DIAPH2: variants seen among roughly 807,000 people sequenced by gnomAD.
DIAPH2 encodes the protein diaphanous related formin 2, also known as protein diaphanous homolog 2.
Under a neutral mutation model 92.7 loss-of-function variants are expected in DIAPH2, and 35 were observed. The ratio of observed to expected loss-of-function variants is 0.38; its 90% CI spans 0.29 to 0.50. DIAPH2 has a LOEUF of 0.50. Ranked by LOEUF, DIAPH2 falls within the 20% of genes least tolerant of loss-of-function variation. The pLI is 0.94. For synonymous variants in DIAPH2, 301 were observed against 280.4 expected, an observed-to-expected ratio of 1.07 and a Z score of -0.73; for missense variants, 701 against 819.5, an observed-to-expected ratio of 0.86 and a Z score of 1.77.
chrX:96,931,681 C>T (rs915531389), intron 10 of DIAPH2, among the ~76,000 whole-genome samples: 8 of 110,544 alleles, frequency 7.2e-5, no homozygotes, highest in Non-Finnish European at 1.3e-4. Flanking sequence ...TGTGTATGAC[C>T]TAGTCTACCA....
chrX:96,892,396 G>C, intron 5 of DIAPH2, among the ~76,000 whole-genome samples: 1 of 111,714 alleles, frequency 9.0e-6, no homozygotes, highest in Non-Finnish European at 1.9e-5. Flanking sequence ...AATCATTTTA[G>C]AATAGCACTA....
In DIAPH2 at chrX:97,435,105, G is replaced by A. The variant is rs778305954; in HGVS notation, c.3241+5360G>A. 8.1e-5 allele frequency among the ~76,000 whole-genome samples: 9 copies of A among 111,326 alleles called. No homozygotes were observed. The South Asian group carries it at 3.5e-3, about 43-fold the overall frequency. Reference sequence around the variant, plus strand: ...GTGAACATTTTTGACAATGACATACGCTCTGGTGGAATAAAAAAGGGTAAA... The same window carrying A: ...GTGAACATTTTTGACAATGACATACACTCTGGTGGAATAAAAAAGGGTAAA... On this transcript the variant is annotated intron_variant, in intron 26 of 26. Coordinates refer to ENST00000324765, the MANE Select transcript of DIAPH2 (RefSeq NM_006729.5).
In DIAPH2 at chrX:97,319,393, T is replaced by C. The variant is rs1030286559; in HGVS notation, c.2845-28723T>C. ...AGTACTTCTCATATAAAATTCCCCT[T>C]TTTTTTTTTTTTTGAGACGGAGTCT... On this transcript the variant is annotated intron_variant, in intron 23 of 26. Coordinates refer to ENST00000324765, the MANE Select transcript of DIAPH2 (RefSeq NM_006729.5). Among the ~76,000 whole-genome samples the C allele has an allele frequency of 9.8e-4, 95 of 97,413 alleles. 1 individual carries two copies. Among genetic ancestry groups the C allele is most frequent in the African/African-American group, 3.6e-3 (89 of 24,802 alleles). 84.6% of individuals were successfully genotyped at this position (97,413 alleles called of 115,157 possible). A position where few individuals can be genotyped will look rare whatever the true frequency, so the allele number is the denominator to read the frequency against.
intron 23 of DIAPH2, among the ~76,000 whole-genome samples, chrX:97,268,842 T>C (rs1238156036): frequency 3.7e-5 from 4 of 108,299 alleles, no homozygotes; most frequent in Non-Finnish European, 7.6e-5. Context: ...TGTTCTTTTT[T>C]TTTTCTTTTC....
Position 97,509,436 on chromosome X carries a change from C to CT in DIAPH2, c.3241+79707dup, listed in dbSNP as rs58597380. ...AAAGAAACAGGAAAACCTGTGTGTT[C>CT]TTTTTTTTTTTTTTTTAAATTGGCA... On this transcript the variant is annotated intron_variant, in intron 26 of 26. Coordinates refer to ENST00000324765, the MANE Select transcript of DIAPH2 (RefSeq NM_006729.5). 1.4e-3 allele frequency among the ~76,000 whole-genome samples: 58 copies of CT among 40,368 alleles called. No homozygotes were observed. The East Asian group carries it at 0.029, about 20-fold the overall frequency. 35.1% of individuals were successfully genotyped at this position (40,368 alleles called of 115,157 possible).
chrX:97,148,398 C>T (rs763495450), intron 22 of DIAPH2, among the ~76,000 whole-genome samples: 1 of 112,189 alleles, frequency 8.9e-6, no homozygotes, highest in East Asian at 2.8e-4. Context: ...TCCATTTTGA[C>T]AGAATTAACC....
intron 25 of DIAPH2, among the ~76,000 whole-genome samples, chrX:97,386,116 T>C (rs1478793739): frequency 8.9e-6 from 1 of 112,316 alleles, no homozygotes; most frequent in Non-Finnish European, 1.9e-5. Flanking sequence ...ATAAACATTT[T>C]CAGGAATTGA....
intron 23 of DIAPH2, among the ~76,000 whole-genome samples, chrX:97,284,146 A>G (rs148328132): frequency 9.0e-6 from 1 of 111,267 alleles, no homozygotes; most frequent in East Asian, 2.8e-4. Flanking sequence ...TTATTTACCA[A>G]CTTGTATGAA....
intron 17 of DIAPH2, among the ~76,000 whole-genome samples, chrX:96,988,296 A>G (rs1452510884): frequency 5.4e-5 from 6 of 110,923 alleles, no homozygotes; most frequent in African/African-American, 2.0e-4. Flanking sequence ...ATGATGGGAA[A>G]GTACTTAGGT....
intron 17 of DIAPH2, among the ~76,000 whole-genome samples, chrX:97,028,472 C>A (rs890002558): frequency 2.7e-5 from 3 of 111,798 alleles, no homozygotes; most frequent in African/African-American, 9.7e-5. Flanking sequence ...ATCCTCAAAC[C>A]CCTGCCCCTG....
chrX:96,958,239 G>C, intron 16 of DIAPH2, 91 bp downstream of exon 16: 1 of 984,700 alleles, frequency 1.0e-6, no homozygotes, highest in Non-Finnish European at 1.3e-6. Flanking sequence ...GAGTATGACT[G>C]CTGACTCTTT....
intron 26 of DIAPH2, among the ~76,000 whole-genome samples, chrX:97,439,291 G>C (rs1432463872): frequency 9.0e-6 from 1 of 111,436 alleles, no homozygotes; most frequent in African/African-American, 3.3e-5. Flanking sequence ...AAATTAGCCA[G>C]GGGTGGGGTG....
intron 24 of DIAPH2, among the ~76,000 whole-genome samples, chrX:97,373,710 G>A (rs1424419255): frequency 9.6e-6 from 1 of 104,488 alleles, no homozygotes; most frequent in African/African-American, 3.5e-5. Context: ...AGGTTCAAGC[G>A]ATTCTCCTGC....
At chrX:97,049,944 T>C (rs1410192258) in intron 17 of DIAPH2, among the ~76,000 whole-genome samples, 1 of 111,336 alleles carries the variant, frequency 9.0e-6, no homozygotes, top group African/African-American at 3.3e-5. Context: ...CTTAAATTAC[T>C]GGTGCTTCCA....
chrX:97,094,865 A>G (rs954246469), intron 19 of DIAPH2, among the ~76,000 whole-genome samples: 6 of 111,111 alleles, frequency 5.4e-5, no homozygotes, highest in African/African-American at 1.3e-4. Context: ...AAAACAGAAA[A>G]TAAGTATAGA....
chrX:97,449,734 G>C, intron 26 of DIAPH2: 1 of 688,943 alleles, frequency 1.5e-6, no homozygotes, highest in Non-Finnish European at 1.7e-6. Flanking sequence ...GGGACAAAGA[G>C]TGGGGGGAAC....
intron 17 of DIAPH2, among the ~76,000 whole-genome samples, chrX:97,029,340 G>T (rs911211398): frequency 9.2e-6 from 1 of 109,021 alleles, no homozygotes; most frequent in Admixed American, 9.8e-5. Flanking sequence ...TAGAGATAGG[G>T]TTTTACCATG....
chrX:97,079,141 C>A (rs1768916562), intron 19 of DIAPH2, among the ~76,000 whole-genome samples: 1 of 110,946 alleles, frequency 9.0e-6, no homozygotes, highest in Admixed American at 9.7e-5. Flanking sequence ...CGGTTTGCCA[C>A]AGGTGCCACC....
chrX:97,439,182 C>G (rs4827898), intron 26 of DIAPH2, among the ~76,000 whole-genome samples: 31,378 of 110,380 alleles, frequency 0.28, 3,974 homozygotes, highest in East Asian at 0.55. Flanking sequence ...AATCCCAGCA[C>G]TTTGTAGAGC....
Sources: allele counts gnomAD v4.1 joint callset (sites outside exome capture counted in the v4.1 genomes callset), GRCh38; gene constraint gnomAD v4.1.1; transcripts MANE v1.5; gene names NCBI Gene and HGNC (gene_info 2026-07-23, HGNC 2026-07-21).